RNF225: variants seen among roughly 807,000 people sequenced by gnomAD.
RNF225 encodes ring finger protein 225.
For synonymous variants in RNF225, 295 were observed against 260.4 expected, an observed-to-expected ratio of 1.13 and a Z score of -1.28; for missense variants, 510 against 509.8, an observed-to-expected ratio of 1.00 and a Z score of 0.00.
In RNF225 at chr19:58,396,263, C is replaced by A; in HGVS notation, c.174C>A (p.Pro58=). ...CAGGCTCCGGCCCTATCCTGCCCCC[C>A]GCCTCCCCGGTGGAGTGCCTCATCT... is the stretch of plus-strand genomic sequence containing the variant. ...GSPGSGPILP[P]ASPVECLICV... is the part of the protein sequence containing the mutation. Residue 58 remains proline (P), a synonymous_variant, in exon 1 of 1, where the codon CCC becomes CCA. Coordinates refer to ENST00000601382, the MANE Select transcript of RNF225 (RefSeq NM_001195135.2). 1 of 1,536,464 alleles carries A rather than the reference C, an allele frequency of 6.5e-7. No homozygotes were observed. Among genetic ancestry groups the A allele is most frequent in the East Asian group, 2.4e-5 (1 of 40,916 alleles).
rs1568575631 is a variant in RNF225 at position 58,395,998 on chromosome 19, T to C, written c.-92T>C. On this transcript the variant is annotated 5_prime_UTR_variant, in exon 1 of 1. Transcript: ENST00000601382. The stretch of plus-strand genomic sequence containing the variant: ...ATCCTCTCTAAAGTACAGTCCCCAG[T>C]CTTCCCTGGATTCCCTGCTGGTCTC... 7 of 1,275,018 alleles carry C rather than the reference T, an allele frequency of 5.5e-6. No homozygotes were observed. Among genetic ancestry groups the C allele is most frequent in the African/African-American group, 3.0e-5 (2 of 65,968 alleles). 79.0% of individuals were successfully genotyped at this position (1,275,018 alleles called of 1,614,324 possible).
chr19:58,396,354 CTCGA>C lies in RNF225; in HGVS notation c.266_269del (p.Leu89ArgfsTer?). ...CCTGGACTGCGGCCACGTCTTCTGT[CTCGA>C]GTGCCTGGCGCGCCTATCGTTGGCC... On this transcript the variant is annotated frameshift_variant, in exon 1 of 1. Transcript: ENST00000601382. LOFTEE classifies it low-confidence loss of function (END_TRUNC). The C allele has an allele frequency of 1.3e-6, 2 of 1,535,440 alleles. No homozygotes were observed. The highest frequency in any genetic ancestry group is 1.7e-6 in the Non-Finnish European group (2 of 1,146,668).
In RNF225 at chr19:58,396,585, G is replaced by A. The variant is rs1232682113; in HGVS notation, c.496G>A (p.Gly166Arg). 2 of 1,072,812 alleles carry A rather than the reference G, an allele frequency of 1.9e-6. No homozygotes were observed. Among genetic ancestry groups the A allele is most frequent in the African/African-American group, 1.7e-5 (1 of 57,590 alleles). 66.5% of individuals were successfully genotyped at this position (1,072,812 alleles called of 1,614,324 possible). A position where few individuals can be genotyped will look rare whatever the true frequency, so the allele number is the denominator to read the frequency against. Reference protein sequence around the residue: ...LYLRPPPPPPGPRKARAPPPP... With the variant: ...LYLRPPPPPPRPRKARAPPPP... ...CCTGCGGCCGCCGCCGCCCCCGCCC[G>A]GGCCGCGCAAGGCCCGCGCCCCGCC... Residue 166 changes from glycine to arginine, a missense_variant, in exon 1 of 1, where the codon GGG (glycine) becomes AGG (arginine). Transcript: ENST00000601382.
rs1599937129 is a variant in RNF225, at chr19:58,396,646, C to G, written c.557C>G (p.Ser186Trp). ...PPPLRLGRPLSRRLSLASPAW... is the reference protein window; with the variant it reads ...PPPLRLGRPLWRRLSLASPAW... The stretch of plus-strand genomic sequence containing the variant: ...CCTCTGCGCCTGGGCCGCCCGCTGT[C>G]GCGCCGCTTGTCGCTGGCCAGCCCG... Residue 186 changes from serine to tryptophan, a missense_variant, in exon 1 of 1, where the codon TCG (serine) becomes TGG (tryptophan). Ser to Trp is a radical substitution (Grantham distance 177). Transcript: ENST00000601382. 2.1e-6 allele frequency: 3 copies of G among 1,421,946 alleles called. No individual in the cohort carries two copies. The highest frequency in any genetic ancestry group is 2.7e-6 in the Non-Finnish European group (3 of 1,094,404). The allele number at this position is 1,421,946 out of a possible 1,614,324, so 88.1% of individuals were successfully genotyped here. A position where few individuals can be genotyped will look rare whatever the true frequency, so the allele number is the denominator to read the frequency against.
In RNF225 at chr19:58,395,965, AC is replaced by A; in HGVS notation, c.-124del. ...CCCTTCTCGGGATGGGGTGCTCTGT[AC>A]TGGGGGATCCTCTCTAAAGTACAGT... On this transcript the variant is annotated 5_prime_UTR_variant, in exon 1 of 1. The change creates a new upstream start codon in the 5' untranslated region. Coordinates refer to ENST00000601382, the MANE Select transcript of RNF225 (RefSeq NM_001195135.2). The A allele has an allele frequency of 1.0e-6, 1 of 1,000,240 alleles. No homozygotes were observed. Among genetic ancestry groups the A allele is most frequent in the Non-Finnish European group, 1.4e-6 (1 of 705,656 alleles). 62.0% of individuals were successfully genotyped at this position (1,000,240 alleles called of 1,614,324 possible). A position where few individuals can be genotyped will look rare whatever the true frequency, so the allele number is the denominator to read the frequency against.
Position 58,396,082 on chromosome 19 carries a change from C to T in RNF225, c.-8C>T. The T allele has an allele frequency of 6.6e-7, 1 of 1,510,550 alleles. No individual in the cohort carries two copies. 93.6% of individuals were successfully genotyped at this position (1,510,550 alleles called of 1,614,324 possible). A position where few individuals can be genotyped will look rare whatever the true frequency, so the allele number is the denominator to read the frequency against. ...TGCCTGACCTCCTCTCCTCCCAGGT[C>T]CATCCGGATGCCCTGCCCTCGGCCG... On this transcript the variant is annotated 5_prime_UTR_variant, in exon 1 of 1. Transcript: ENST00000601382.
Position 58,396,226 on chromosome 19 carries a change from G to T in RNF225, c.137G>T (p.Gly46Val). The T allele has an allele frequency of 6.5e-7, 1 of 1,542,594 alleles. No homozygotes were observed. Among genetic ancestry groups the T allele is most frequent in the Non-Finnish European group, 8.7e-7 (1 of 1,151,112 alleles). The change falls in exon 1 of 1, where the codon GGG (glycine) becomes GTG (valine). Residue 46 changes from glycine (G) to valine (V), a missense_variant. By Grantham distance (109) the Gly-to-Val change is moderately radical. Coordinates refer to ENST00000601382, the MANE Select transcript of RNF225 (RefSeq NM_001195135.2). ...EDQEEEEEEE[G>V]DGSPGSGPIL... ...CAGGAGGAGGAGGAGGAGGAGGAAG[G>T]GGACGGCAGCCCAGGCTCCGGCCCT...
Position 58,396,640 on chromosome 19 carries a change from C to G in RNF225, c.551C>G (p.Pro184Arg), listed in dbSNP as rs976924506. Residue 184 changes from proline (P) to arginine (R), a missense_variant, in exon 1 of 1, where the codon CCG becomes CGG. Pro to Arg is a moderately radical substitution (Grantham distance 103). Coordinates refer to ENST00000601382, the MANE Select transcript of RNF225 (RefSeq NM_001195135.2). ...CCGCCGCCTCTGCGCCTGGGCCGCCCGCTGTCGCGCCGCTTGTCGCTGGCC... is the reference window on the plus strand; with the variant it reads ...CCGCCGCCTCTGCGCCTGGGCCGCCGGCTGTCGCGCCGCTTGTCGCTGGCC... ...PPPPPLRLGRPLSRRLSLASP... is the reference protein window; with the variant it reads ...PPPPPLRLGRRLSRRLSLASP... 1.4e-6 allele frequency: 2 copies of G among 1,401,552 alleles called. No individual in the cohort carries two copies. Among genetic ancestry groups the G allele is most frequent in the African/African-American group, 1.5e-5 (1 of 65,382 alleles). 86.8% of individuals were successfully genotyped at this position (1,401,552 alleles called of 1,614,324 possible). A position where few individuals can be genotyped will look rare whatever the true frequency, so the allele number is the denominator to read the frequency against.
At position 58,396,437 on chromosome 19, in the gene RNF225, C is replaced by T. The variant is rs763898262; in HGVS notation, c.348C>T (p.Arg116=). 203 of 1,432,922 alleles carry T rather than the reference C, an allele frequency of 1.4e-4. No individual in the cohort carries two copies. In the African/African-American group the frequency reaches 2.8e-3, roughly 19 times the overall value. The allele number at this position is 1,432,922 out of a possible 1,614,324, so 88.8% of individuals were successfully genotyped here. A position where few individuals can be genotyped will look rare whatever the true frequency, so the allele number is the denominator to read the frequency against. ...GTCCGGTGTGCCGCGCGCCCACGCG[C>T]CTGGCCCCCCGCCGCGGACTCCCCG... ...VACPVCRAPT[R]LAPRRGLPAL... The change falls in exon 1 of 1, where the codon CGC becomes CGT. Residue 116 remains arginine (R), a synonymous_variant. Transcript: ENST00000601382.
Position 58,396,305 on chromosome 19 carries a change from C to T in RNF225, c.216C>T (p.Asp72=), listed in dbSNP as rs1345902500. 2.0e-6 allele frequency: 3 copies of T among 1,535,860 alleles called. No individual in the cohort carries two copies. The highest frequency in any genetic ancestry group is 2.0e-5 in the Admixed American group (1 of 51,006). The change falls in exon 1 of 1, where the codon GAC becomes GAT. Residue 72 remains aspartate, a synonymous_variant. Coordinates refer to ENST00000601382, the MANE Select transcript of RNF225 (RefSeq NM_001195135.2). ...GCCTCATCTGCGTGTCGTCCTTCGA[C>T]GGCGTGTTCAAGCTGCCCAAGCGCC... ...VECLICVSSF[D]GVFKLPKRLD...
chr19:58,396,025 GA>G lies in RNF225; in HGVS notation c.-63del. 1 of 1,437,516 alleles carries G rather than the reference GA, an allele frequency of 7.0e-7. No homozygotes were observed. Among genetic ancestry groups the G allele is most frequent in the Middle Eastern group, 2.5e-4 (1 of 3,968 alleles). The allele number at this position is 1,437,516 out of a possible 1,614,324, so 89.0% of individuals were successfully genotyped here. ...TTCCCTGGATTCCCTGCTGGTCTCA[GA>G]ACCCGCTCCAGGCTCCACCGCCTCC... is the stretch of plus-strand genomic sequence containing the variant. On this transcript the variant is annotated 5_prime_UTR_variant, in exon 1 of 1. Coordinates refer to ENST00000601382, the MANE Select transcript of RNF225 (RefSeq NM_001195135.2).
At position 58,396,990 on chromosome 19, in the gene RNF225, A is replaced by C. The variant is rs1332868303; in HGVS notation, c.901A>C (p.Arg301=). The C allele has an allele frequency of 2.6e-6, 4 of 1,533,984 alleles. No homozygotes were observed. Among genetic ancestry groups the C allele is most frequent in the Middle Eastern group, 1.8e-4 (1 of 5,494 alleles). The change falls in exon 1 of 1, where the codon AGG becomes CGG. Residue 301 remains arginine, a synonymous_variant. Transcript: ENST00000601382. ...DPAEAERTLD[R]RSDGTWGTEA... ...GGCGGAGGCCGAGAGGACGCTGGAC[A>C]GGCGATCGGATGGCACGTGGGGCAC...
Position 58,396,470 on chromosome 19 carries a change from C to T in RNF225, c.381C>T (p.Pro127=), listed in dbSNP as rs2052400155. The change falls in exon 1 of 1, where the codon CCC becomes CCT. Residue 127 remains proline, a synonymous_variant. Transcript: ENST00000601382. ...CCCGCCGCGGACTCCCCGCGTTGCC[C>T]ACGCAGTCCGGTCTCCTGCCCCGCG... ...LAPRRGLPAL[P]TQSGLLPRDA... is the part of the protein sequence containing the mutation. 10 of 1,414,800 alleles carry T rather than the reference C, an allele frequency of 7.1e-6. No homozygotes were observed. Among genetic ancestry groups the T allele is most frequent in the Non-Finnish European group, 9.2e-6 (10 of 1,092,374 alleles). The allele number at this position is 1,414,800 out of a possible 1,614,324, so 87.6% of individuals were successfully genotyped here. A position where few individuals can be genotyped will look rare whatever the true frequency, so the allele number is the denominator to read the frequency against.
rs1797903918 is a variant in RNF225, at chr19:58,396,956, CGAGGACCCGGCGGAGGCCGA to C, written c.874_893del (p.Pro292AlafsTer?). On this transcript the variant is annotated frameshift_variant, in exon 1 of 1. Coordinates refer to ENST00000601382, the MANE Select transcript of RNF225 (RefSeq NM_001195135.2). LOFTEE classifies it low-confidence loss of function (END_TRUNC). ...ATGCGCTGGAGCCCGAGGCGGGCCC[CGAGGACCCGGCGGAGGCCGA>C]GAGGACGCTGGACAGGCGATCGGAT... 1 of 1,534,054 alleles carries C rather than the reference CGAGGACCCGGCGGAGGCCGA, an allele frequency of 6.5e-7. No individual in the cohort carries two copies. The highest frequency in any genetic ancestry group is 1.4e-5 in the African/African-American group (1 of 72,972).
Position 58,396,909 on chromosome 19 carries a change from G to C in RNF225, c.820G>C (p.Ala274Pro). The change falls in exon 1 of 1, where the codon GCC (alanine) becomes CCC (proline). Residue 274 changes from alanine (A) to proline (P), a missense_variant. Transcript: ENST00000601382. ...CCCCACGGGCCCTGACCTGGACACG[G>C]CCCTGCCAGGAACTGCAGAAGATGC... ...PRPTGPDLDT[A>P]LPGTAEDALE... The C allele has an allele frequency of 6.5e-7, 1 of 1,533,986 alleles. No homozygotes were observed.
rs1449600134 is a variant in RNF225, at chr19:58,395,687, A to AGGAGGCTTCCACAGGTAG, written c.-401_-384dup. 6.7e-4 allele frequency among the ~76,000 whole-genome samples: 100 copies of AGGAGGCTTCCACAGGTAG among 148,848 alleles called. No individual in the cohort carries two copies. Among genetic ancestry groups the AGGAGGCTTCCACAGGTAG allele is most frequent in the African/African-American group, 2.5e-3 (95 of 38,440 alleles). On this transcript the variant is annotated 5_prime_UTR_variant, in exon 1 of 1. Coordinates refer to ENST00000601382, the MANE Select transcript of RNF225 (RefSeq NM_001195135.2). ...CAGGGACACGCCACTGGCCAGAGGG[A>AGGAGGCTTCCACAGGTAG]GGAGGCTTCCACAGGTAGGAAGGCG...
Position 58,396,173 on chromosome 19 carries a change from G to A in RNF225, c.84G>A (p.Ala28=). The change falls in exon 1 of 1, where the codon GCG becomes GCA. Residue 28 remains alanine, a synonymous_variant. Transcript: ENST00000601382. Reference sequence around the variant, plus strand: ...CCAGCTCCCCAGGCTCGCTCTCTGCGCCCCGCTCCCCAAGCAGAGGGGAAG... The same window carrying A: ...CCAGCTCCCCAGGCTCGCTCTCTGCACCCCGCTCCCCAAGCAGAGGGGAAG... ...SGPSSPGSLS[A]PRSPSRGEDQ... 6.5e-7 allele frequency: 1 copy of A among 1,537,172 alleles called. No homozygotes were observed. Among genetic ancestry groups the A allele is most frequent in the Non-Finnish European group, 8.7e-7 (1 of 1,148,146 alleles).
rs1225156684 is a variant in RNF225, at chr19:58,395,758, A to G, written c.-332A>G. On this transcript the variant is annotated 5_prime_UTR_variant, in exon 1 of 1. Coordinates refer to ENST00000601382, the MANE Select transcript of RNF225 (RefSeq NM_001195135.2). Reference sequence around the variant, plus strand: ...TGTCATTACTCTGTGGGGGGTGCCTATCTCTGCTCCTCTGTGGGTCAGGTC... The same window carrying G: ...TGTCATTACTCTGTGGGGGGTGCCTGTCTCTGCTCCTCTGTGGGTCAGGTC... Among the ~76,000 whole-genome samples the G allele has an allele frequency of 5.4e-5, 8 of 148,424 alleles. No individual in the cohort carries two copies. In the Middle Eastern group the frequency reaches 0.01, roughly 192 times the overall value.
At position 58,396,176 on chromosome 19, in the gene RNF225, C is replaced by A; in HGVS notation, c.87C>A (p.Pro29=). 1 of 1,538,210 alleles carries A rather than the reference C, an allele frequency of 6.5e-7. No homozygotes were observed. Among genetic ancestry groups the A allele is most frequent in the South Asian group, 1.2e-5 (1 of 84,184 alleles). The change falls in exon 1 of 1, where the codon CCC becomes CCA. Residue 29 remains proline, a synonymous_variant. Coordinates refer to ENST00000601382, the MANE Select transcript of RNF225 (RefSeq NM_001195135.2). ...GPSSPGSLSA[P]RSPSRGEDQE... ...GCTCCCCAGGCTCGCTCTCTGCGCC[C>A]CGCTCCCCAAGCAGAGGGGAAGACC...
Sources: gnomAD v4.1 joint callset for allele counts (sites outside exome capture counted in the v4.1 genomes callset) on GRCh38, gnomAD v4.1.1 for gene constraint, MANE v1.5 for transcripts, NCBI Gene and HGNC (gene_info 2026-07-23, HGNC 2026-07-21) for gene names.